LEF1: variants seen among roughly 807,000 people sequenced by gnomAD.
The protein encoded by LEF1 is lymphoid enhancer-binding factor 1.
LEF1 carries 14 observed loss-of-function variants against 51.2 expected under a neutral mutation model. The ratio of observed to expected loss-of-function variants is 0.27; its 90% confidence interval spans 0.18 to 0.43. LEF1 has a LOEUF of 0.43. Ranked by LOEUF, LEF1 falls within the 20% of genes least tolerant of loss-of-function variation. The pLI is 1.00. For missense variants in LEF1, 386 were observed against 512.0 expected, an observed-to-expected ratio of 0.75 and a Z score of 2.37; for synonymous variants, 185 against 183.2, an observed-to-expected ratio of 1.01 and a Z score of -0.08.
intron 1 of LEF1, among the ~76,000 whole-genome samples, chr4:108,165,781 T>A (rs1012825858): frequency 6.6e-6 from 1 of 152,194 alleles, no homozygotes; most frequent in East Asian, 1.9e-4. Flanking sequence ...AGTCAGGTTA[T>A]AGACATCTAA....
chr4:108,163,607 GT>G lies in LEF1; in HGVS notation c.374del (p.Tyr125SerfsTer122). 6.2e-7 allele frequency: 1 copy of G among 1,613,848 alleles called. No individual in the cohort carries two copies. Among genetic ancestry groups the G allele is most frequent in the Non-Finnish European group, 8.5e-7 (1 of 1,179,822 alleles). On this transcript the variant is annotated frameshift_variant, in exon 3 of 12. Transcript: ENST00000265165. LOFTEE classifies it high-confidence loss of function. ...IMMPNMNNDP[Y>X]MSNGSLSPPI... The stretch of plus-strand genomic sequence containing the variant: ...GTGGAGAAAGAGATCCATTTGACAT[GT>G]ATGGGTCGTTATTCATATTTGGCAT...
chr4:108,053,116 C>A (rs866948035), intron 11 of LEF1, among the ~76,000 whole-genome samples: 1 of 152,164 alleles, frequency 6.6e-6, no homozygotes, highest in African/African-American at 2.4e-5. Context: ...CAGGCAACAA[C>A]CCCTGTATCC....
chr4:108,089,186 G>T lies in LEF1; in HGVS notation c.486C>A (p.Asp162Glu), dbSNP rs141659676. ...GGTGTGATCCTGGAGAAAAGTGCTC[G>T]TCACTGTAAGTGATGAGGGGGGTGA... ...HPLTPLITYSDEHFSPGSHPS... is the reference protein window; with the variant it reads ...HPLTPLITYSEEHFSPGSHPS... The change falls in exon 4 of 12, where the codon GAC becomes GAA. Residue 162 changes from aspartate (D) to glutamate (E), a missense_variant. This residue lies in a region of LEF1 where 335 missense variants were observed against 390.7 expected (regional missense o/e 0.86). Transcript: ENST00000265165. 2 of 1,613,786 alleles carry T rather than the reference G, an allele frequency of 1.2e-6. No individual in the cohort carries two copies. The highest frequency in any genetic ancestry group is 1.7e-5 in the Admixed American group (1 of 60,012).
intron 11 of LEF1, among the ~76,000 whole-genome samples, chr4:108,055,657 GAAC>G (rs1442216851): frequency 6.6e-6 from 1 of 152,002 alleles, no homozygotes; most frequent in Non-Finnish European, 1.5e-5. Context: ...AAGTTTTCAT[GAAC>G]AATACTAAAC....
intron 3 of LEF1, among the ~76,000 whole-genome samples, chr4:108,130,512 G>T (rs144859816): frequency 1.5e-3 from 225 of 150,670 alleles, no homozygotes; most frequent in African/African-American, 5.2e-3. Context: ...TTGAGGTCAG[G>T]AGTTCAAGAC....
intron 11 of LEF1, among the ~76,000 whole-genome samples, chr4:108,058,326 A>G (rs1204148816): frequency 6.6e-6 from 1 of 152,250 alleles, no homozygotes; most frequent in Non-Finnish European, 1.5e-5. Context: ...AGTAAATATT[A>G]ATAAGCCAAT....
intron 3 of LEF1, among the ~76,000 whole-genome samples, chr4:108,109,893 C>T (rs1741416076): frequency 6.6e-6 from 1 of 152,150 alleles, no homozygotes; most frequent in Non-Finnish European, 1.5e-5. Flanking sequence ...AAATACACAC[C>T]TGCCCAGCCT....
chr4:108,115,969 T>C (rs1023103761), intron 3 of LEF1, among the ~76,000 whole-genome samples: 7 of 152,050 alleles, frequency 4.6e-5, no homozygotes, highest in African/African-American at 1.7e-4. Context: ...GGAGCAGTTA[T>C]GGAAAGCTAT....
chr4:108,141,385 C>G (rs535374668), intron 3 of LEF1, among the ~76,000 whole-genome samples: 16 of 152,306 alleles, frequency 1.1e-4, no homozygotes, highest in Admixed American at 5.2e-4. Context: ...TGCCTCCCCC[C>G]CCGCCACATC....
At chr4:108,055,351 G>A (rs1158262073) in intron 11 of LEF1, among the ~76,000 whole-genome samples, 2 of 152,110 alleles carry the variant, frequency 1.3e-5, no homozygotes, top group Non-Finnish European at 1.5e-5. Flanking sequence ...TACTCCTTGT[G>A]GCATATATAA....
intron 3 of LEF1, among the ~76,000 whole-genome samples, chr4:108,115,721 C>T (rs1741791582): frequency 1.3e-5 from 2 of 152,144 alleles, no homozygotes; most frequent in South Asian, 4.1e-4. Flanking sequence ...TTGAAAGATA[C>T]ACTGAAGCTT....
Position 108,078,254 on chromosome 4 carries a change from T to C in LEF1, c.974A>G (p.Glu325Gly). 1 of 1,614,200 alleles carries C rather than the reference T, an allele frequency of 6.2e-7. No individual in the cohort carries two copies. The highest frequency in any genetic ancestry group is 8.5e-7 in the Non-Finnish European group (1 of 1,180,030). ...AAGAATCTGGTTGATAGCTGCACTTTCTTTTAGAGTACACTCAGCAACGAC... is the reference window on the plus strand; with the variant it reads ...AAGAATCTGGTTGATAGCTGCACTTCCTTTTAGAGTACACTCAGCAACGAC... ...ANVVAECTLK[E>G]SAAINQILGR... Residue 325 changes from glutamate to glycine, a missense_variant, in exon 8 of 12, where the codon GAA becomes GGA. Coordinates refer to ENST00000265165, the MANE Select transcript of LEF1 (RefSeq NM_016269.5).
chr4:108,087,745 C>G (rs187070361), intron 4 of LEF1, among the ~76,000 whole-genome samples: 1 of 152,156 alleles, frequency 6.6e-6, no homozygotes, highest in Non-Finnish European at 1.5e-5. Context: ...ACCTCCTGCT[C>G]GGATGCTGGT....
chr4:108,135,601 T>A lies in LEF1; in HGVS notation c.414+27967A>T, dbSNP rs79024424. Among the ~76,000 whole-genome samples the A allele has an allele frequency of 1.4e-3, 209 of 152,294 alleles. 2 individuals carry two copies. In the East Asian group the frequency reaches 0.037, roughly 27 times the overall value. On this transcript the variant is annotated intron_variant, in intron 3 of 11. Coordinates refer to ENST00000265165, the MANE Select transcript of LEF1 (RefSeq NM_016269.5). ...AGGAGAGGTACAGTGCTGTGTCTGCTAGCCGGCAAGAACAGGGGCCTCTAG... is the reference window on the plus strand; with the variant it reads ...AGGAGAGGTACAGTGCTGTGTCTGCAAGCCGGCAAGAACAGGGGCCTCTAG...
intron 3 of LEF1, among the ~76,000 whole-genome samples, chr4:108,133,135 G>A (rs1484715204): frequency 6.6e-6 from 1 of 151,926 alleles, no homozygotes. Context: ...CACCATGCCT[G>A]GCTAATTTTT....
At chr4:108,138,688 T>C (rs546948446) in intron 3 of LEF1, among the ~76,000 whole-genome samples, 1 of 152,276 alleles carries the variant, frequency 6.6e-6, no homozygotes, top group Non-Finnish European at 1.5e-5. Flanking sequence ...CTGGAGATTA[T>C]GGGGGCTAGC....
At chr4:108,087,835 C>A (rs937923337) in intron 4 of LEF1, among the ~76,000 whole-genome samples, 1 of 152,172 alleles carries the variant, frequency 6.6e-6, no homozygotes. Flanking sequence ...AAATTCACCA[C>A]GACCAAGACT....
intron 3 of LEF1, among the ~76,000 whole-genome samples, chr4:108,126,828 T>G (rs1362027558): frequency 7.8e-6 from 1 of 128,134 alleles, no homozygotes. Flanking sequence ...AAAAAAAGAA[T>G]AGGTGGAAAA....
At chr4:108,153,230 CAAACATGGGTTT>C (rs1424367904) in intron 3 of LEF1, among the ~76,000 whole-genome samples, 2 of 152,208 alleles carry the variant, frequency 1.3e-5, no homozygotes, top group Non-Finnish European at 2.9e-5. Context: ...CCAGCTTGCC[CAAACATGGGTTT>C]GGTCTCATCT....
Sources: allele counts gnomAD v4.1 joint callset (sites outside exome capture counted in the v4.1 genomes callset), GRCh38; gene constraint gnomAD v4.1.1; regional missense constraint gnomAD v4.1.1; transcripts MANE v1.5; gene names NCBI Gene and HGNC (gene_info 2026-07-23, HGNC 2026-07-21).